The following SRL variants were observed in gnomAD, a reference collection of about 807,000 sequenced individuals.
SRL encodes the protein sarcalumenin.
Under a neutral mutation model 39.5 loss-of-function variants are expected in SRL, and 23 were observed. The ratio of observed to expected loss-of-function variants is 0.58; its 90% CI spans 0.42 to 0.82. SRL has a LOEUF of 0.82. SRL is among the 40% of genes least tolerant of loss of function. The pLI is 0.00. For missense variants in SRL, 592 were observed against 607.8 expected (o/e 0.97, Z 0.27); for synonymous variants, 272 against 237.4 (o/e 1.15, Z -1.34).
At chr16:4,194,836 C>A (rs1039548593) in intron 5 of SRL, among the ~76,000 whole-genome samples, 1 of 152,132 alleles carries the variant, frequency 6.6e-6, no homozygotes. Flanking sequence ...TTAGGCAACA[C>A]TGGGCACACT....
At chr16:4,215,692 C>G (rs1208952936) in intron 1 of SRL, among the ~76,000 whole-genome samples, 2 of 152,154 alleles carry the variant, frequency 1.3e-5, no homozygotes, top group Non-Finnish European at 2.9e-5. Context: ...TCAATAACAA[C>G]TGTTTTAGGC....
At chr16:4,236,713 A>G (rs921209668) in intron 1 of SRL, among the ~76,000 whole-genome samples, 1 of 151,806 alleles carries the variant, frequency 6.6e-6, no homozygotes, top group Admixed American at 6.6e-5. Flanking sequence ...GCATGATCTC[A>G]GCTCACTGCA....
chr16:4,205,449 A>T (rs1288255509), intron 1 of SRL, among the ~76,000 whole-genome samples: 1 of 152,114 alleles, frequency 6.6e-6, no homozygotes, highest in African/African-American at 2.4e-5. Flanking sequence ...AAATGTAATC[A>T]TTACAGATGA....
rs1437117277 is a variant in SRL, at chr16:4,191,769, G to T, written c.*384C>A. ...GGACCTGACAATCTCTACGACTCAG[G>T]CCTTCGCTGTTTTCCCAGCTCACAG... On this transcript the variant is annotated 3_prime_UTR_variant, in exon 6 of 6. Transcript: ENST00000399609. The T allele has an allele frequency of 5.4e-6, 1 of 184,492 alleles. No individual in the cohort carries two copies. The highest frequency in any genetic ancestry group is 1.1e-5 in the Non-Finnish European group (1 of 89,232). 11.4% of individuals were successfully genotyped at this position (184,492 alleles called of 1,614,324 possible).
chr16:4,230,793 G>A (rs1266969417), intron 1 of SRL, among the ~76,000 whole-genome samples: 1 of 152,118 alleles, frequency 6.6e-6, no homozygotes, highest in African/African-American at 2.4e-5. Context: ...AATGTCCTTA[G>A]GTGATGAGGA....
intron 1 of SRL, among the ~76,000 whole-genome samples, chr16:4,231,729 C>T (rs1255835536): frequency 1.3e-5 from 2 of 152,036 alleles, no homozygotes; most frequent in African/African-American, 2.4e-5. Flanking sequence ...GCAGGGGAGG[C>T]GTGTTGATGG....
intron 1 of SRL, chr16:4,207,874 A>G (rs2052343943): frequency 4.4e-6 from 2 of 456,384 alleles, no homozygotes; most frequent in Admixed American, 4.7e-5. Flanking sequence ...GAGGCATTGG[A>G]GAGGCTGGCT....
In SRL at chr16:4,242,075, G is replaced by A; in HGVS notation, c.-8C>T. The A allele has an allele frequency of 6.2e-7, 1 of 1,608,668 alleles. No homozygotes were observed. Among genetic ancestry groups the A allele is most frequent in the Non-Finnish European group, 8.5e-7 (1 of 1,178,590 alleles). ...CAGGACCAGCGCCCTCATGGTGACT[G>A]CCAAGAGAGCCCAGCTGCTCCTCGC... On this transcript the variant is annotated 5_prime_UTR_variant, in exon 1 of 6. Transcript: ENST00000399609.
At chr16:4,203,075 G>C (rs1328838799) in intron 3 of SRL, 91 bp downstream of exon 3, 7 of 1,121,874 alleles carry the variant, frequency 6.2e-6, no homozygotes, top group Non-Finnish European at 9.4e-6. Flanking sequence ...GTGGGTACCG[G>C]GAGAGTCCAG....
At chr16:4,237,486 C>G (rs2052725446) in intron 1 of SRL, among the ~76,000 whole-genome samples, 1 of 152,176 alleles carries the variant, frequency 6.6e-6, no homozygotes, top group South Asian at 2.1e-4. Context: ...ACTAATCAGT[C>G]TCCCCCTCCC....
At chr16:4,194,440 T>A (rs568293164) in intron 5 of SRL, among the ~76,000 whole-genome samples, 2 of 152,294 alleles carry the variant, frequency 1.3e-5, no homozygotes, top group African/African-American at 2.4e-5. Flanking sequence ...AGTAGGGCTT[T>A]GAAGAAGCCT....
chr16:4,208,804 A>G (rs1165300875), intron 1 of SRL, among the ~76,000 whole-genome samples: 1 of 152,126 alleles, frequency 6.6e-6, no homozygotes, highest in Non-Finnish European at 1.5e-5. Context: ...GGAGATATCT[A>G]AAACAGGCCG....
chr16:4,200,116 G>A (rs1291259525), intron 3 of SRL, among the ~76,000 whole-genome samples: 2 of 152,166 alleles, frequency 1.3e-5, no homozygotes, highest in East Asian at 1.9e-4. Context: ...CTTATACATG[G>A]CAGGCACATG....
intron 1 of SRL, among the ~76,000 whole-genome samples, chr16:4,218,349 C>G (rs9934744): frequency 0.011 from 1,644 of 152,242 alleles, 24 homozygotes; most frequent in Middle Eastern, 0.041. Context: ...AAGGGCCCTT[C>G]AAAGCTCTCT....
chr16:4,203,394 A>C, intron 2 of SRL, 133 bp from the exon 3 acceptor site: 1 of 677,780 alleles, frequency 1.5e-6, no homozygotes, highest in East Asian at 2.7e-5. Context: ...TTTGCAGCCC[A>C]GCGACTGTGC....
intron 1 of SRL, among the ~76,000 whole-genome samples, chr16:4,214,029 G>A (rs539811156): frequency 1.5e-4 from 23 of 152,286 alleles, no homozygotes; most frequent in African/African-American, 5.3e-4. Flanking sequence ...CTGGGGCTGG[G>A]TCAACGTGTA....
In SRL at chr16:4,204,623, C is replaced by A. The variant is rs1162242229; in HGVS notation, c.73G>T (p.Asp25Tyr). 8.7e-6 allele frequency: 14 copies of A among 1,613,972 alleles called. No individual in the cohort carries two copies. Among genetic ancestry groups the A allele is most frequent in the Non-Finnish European group, 1.2e-5 (14 of 1,179,984 alleles). ...LFSGQAEETE[D>Y]ANEEAPLRDR... Reference sequence around the variant, plus strand: ...CTCAATGGGGCTTCTTCATTTGCATCCTCCGTCTCTTCTGTGGAGAGAAGC... The same window carrying A: ...CTCAATGGGGCTTCTTCATTTGCATACTCCGTCTCTTCTGTGGAGAGAAGC... Residue 25 changes from aspartate (D) to tyrosine (Y), a missense_variant, in exon 2 of 6, where the codon GAT (aspartate) becomes TAT (tyrosine). Physicochemically the swap from Asp to Tyr is radical, Grantham distance 160 (BLOSUM62 -3). Transcript: ENST00000399609.
At chr16:4,207,333 G>C (rs1477171359) in intron 1 of SRL, 3 of 456,808 alleles carry the variant, frequency 6.6e-6, no homozygotes, top group African/African-American at 4.0e-5. Flanking sequence ...CCCAGGCTCT[G>C]CACTGGCCTC....
At chr16:4,202,303 T>A (rs2052245863) in intron 3 of SRL, among the ~76,000 whole-genome samples, 1 of 151,988 alleles carries the variant, frequency 6.6e-6, no homozygotes. Flanking sequence ...ATTAAAGAAG[T>A]TGGAGGTCGG....
Sources: allele counts gnomAD v4.1 joint callset (sites outside exome capture counted in the v4.1 genomes callset), GRCh38; gene constraint gnomAD v4.1.1; transcripts MANE v1.5; gene names NCBI Gene and HGNC (gene_info 2026-07-23, HGNC 2026-07-21).